Variants in APCDD1 observed in about 807,000 individuals in gnomAD.
The protein encoded by APCDD1 is protein APCDD1.
A neutral mutation model predicts 38.1 loss-of-function variants in APCDD1; 15 were observed. That is an observed-to-expected ratio of 0.39 (90% CI 0.26 to 0.61). The LOEUF (loss-of-function observed/expected upper bound fraction) is 0.61. APCDD1 is among the 20% of genes least tolerant of loss of function. APCDD1 has a pLI of 0.49. For missense variants in APCDD1, 647 were observed against 696.2 expected (o/e 0.93, Z 0.79); for synonymous variants, 261 against 279.7 (o/e 0.93, Z 0.67).
intron 3 of APCDD1, chr18:10,474,078 C>T (rs937415946): frequency 1.3e-5 from 2 of 152,180 alleles, no homozygotes; most frequent in African/African-American, 4.8e-5. Flanking sequence ...CTCCCACGAC[C>T]ATGCCCAGCT....
chr18:10,457,658 A>G (rs1345682288), intron 1 of APCDD1, among the ~76,000 whole-genome samples: 1 of 152,242 alleles, frequency 6.6e-6, no homozygotes, highest in Non-Finnish European at 1.5e-5. Context: ...TTAGAGATTT[A>G]TTTGTTACAC....
intron 3 of APCDD1, among the ~76,000 whole-genome samples, chr18:10,478,347 G>A (rs1339617953): frequency 3.3e-5 from 5 of 152,238 alleles, no homozygotes; most frequent in African/African-American, 1.2e-4. Flanking sequence ...ACACTGAGGG[G>A]CTGCCCTCAC....
chr18:10,468,751 A>C, intron 2 of APCDD1, 99 bp downstream of exon 2: 2 of 1,304,160 alleles, frequency 1.5e-6, no homozygotes, highest in Non-Finnish European at 2.2e-6. Flanking sequence ...TATCATTTAC[A>C]ATGATTTAGG....
In APCDD1 at chr18:10,461,902, C is replaced by T. The variant is rs141768269; in HGVS notation, c.59-6567C>T. Among the ~76,000 whole-genome samples, 717 of 152,252 alleles carry T rather than the reference C, an allele frequency of 4.7e-3. 9 individuals are homozygous for T. Among genetic ancestry groups the T allele is most frequent in the South Asian group, 0.02 (94 of 4,814 alleles). On this transcript the variant is annotated intron_variant, in intron 1 of 4. Transcript: ENST00000355285. ...TACTCTCACATATAGTATATGGTTT[C>T]TAACTCTTGTTTTATCTGTAAAATA...
At chr18:10,468,747 T>A (rs1184132080) in intron 2 of APCDD1, 95 bp downstream of exon 2, 1 of 1,298,526 alleles carries the variant, frequency 7.7e-7, no homozygotes, top group African/African-American at 1.5e-5. Flanking sequence ...TTTATATCAT[T>A]TACAATGATT....
At chr18:10,466,724 TG>T (rs1204042069) in intron 1 of APCDD1, among the ~76,000 whole-genome samples, 1 of 152,206 alleles carries the variant, frequency 6.6e-6, no homozygotes, top group Non-Finnish European at 1.5e-5. Context: ...AAGGAAGCCC[TG>T]GCTTAATAAC....
chr18:10,464,450 TCTCA>T (rs1206768974), intron 1 of APCDD1, among the ~76,000 whole-genome samples: 1 of 152,184 alleles, frequency 6.6e-6, no homozygotes, highest in Non-Finnish European at 1.5e-5. Flanking sequence ...AGAGACAGGG[TCTCA>T]CTCTGTCACC....
intron 1 of APCDD1, among the ~76,000 whole-genome samples, chr18:10,455,395 C>T (rs1268269928): frequency 6.6e-6 from 1 of 152,256 alleles, no homozygotes; most frequent in Admixed American, 6.5e-5. Flanking sequence ...TGTACACTGC[C>T]ATGAAATCGC....
At chr18:10,456,062 A>G (rs2030374385) in intron 1 of APCDD1, among the ~76,000 whole-genome samples, 1 of 152,224 alleles carries the variant, frequency 6.6e-6, no homozygotes. Flanking sequence ...AGTCAGGCTG[A>G]GGACCTTCCC....
chr18:10,455,185 C>T (rs1392808841), intron 1 of APCDD1, 146 bp downstream of exon 1: 10 of 1,355,456 alleles, frequency 7.4e-6, no homozygotes, highest in Non-Finnish European at 9.7e-6. Flanking sequence ...CCCGCGCCTG[C>T]CGTCTCAGCC....
intron 1 of APCDD1, among the ~76,000 whole-genome samples, chr18:10,460,157 C>T (rs1223742640): frequency 6.6e-6 from 1 of 152,172 alleles, no homozygotes; most frequent in Non-Finnish European, 1.5e-5. Flanking sequence ...TTTGATTTCT[C>T]AGTCAATATA....
At chr18:10,461,141 T>G (rs2030530414) in intron 1 of APCDD1, among the ~76,000 whole-genome samples, 1 of 152,178 alleles carries the variant, frequency 6.6e-6, no homozygotes, top group Non-Finnish European at 1.5e-5. Context: ...GGTAATGTAT[T>G]CCTTGGGAGT....
chr18:10,454,739 G>A lies in APCDD1; in HGVS notation c.-243G>A, dbSNP rs1394162812. The stretch of plus-strand genomic sequence containing the variant: ...GGGCCGGGCGCGGAGAAGTCGGGGC[G>A]GGCGGCAGAGAGGCCGGGACGCGGA... On this transcript the variant is annotated 5_prime_UTR_variant, in exon 1 of 5. Coordinates refer to ENST00000355285, the MANE Select transcript of APCDD1 (RefSeq NM_153000.5). The A allele has an allele frequency of 3.1e-6, 3 of 981,424 alleles. No individual in the cohort carries two copies. Among genetic ancestry groups the A allele is most frequent in the Non-Finnish European group, 3.6e-6 (3 of 828,590 alleles). 60.8% of individuals were successfully genotyped at this position (981,424 alleles called of 1,614,324 possible).
intron 1 of APCDD1, 96 bp downstream of exon 1, chr18:10,455,135 G>A: frequency 1.3e-6 from 2 of 1,515,688 alleles, no homozygotes; most frequent in Non-Finnish European, 8.8e-7. Context: ...TCGCGGCACG[G>A]CCTACACTGT....
At position 10,487,897 on chromosome 18, in the gene APCDD1, C is replaced by T. The variant is rs757964573; in HGVS notation, c.1404C>T (p.Ser468=). The change falls in exon 5 of 5, where the codon TCC becomes TCT. Residue 468 remains serine, a synonymous_variant. Transcript: ENST00000355285. Reference sequence around the variant, plus strand: ...AGATGCCCTTGGTCCAGTGTGCCTCCTCTTCGCCGAGGGCAGAGGACCTCG... The same window carrying T: ...AGATGCCCTTGGTCCAGTGTGCCTCTTCTTCGCCGAGGGCAGAGGACCTCG... ...SYQMPLVQCA[S]SSPRAEDLAE... The T allele has an allele frequency of 2.5e-6, 4 of 1,613,274 alleles. No homozygotes were observed. Among genetic ancestry groups the T allele is most frequent in the East Asian group, 2.2e-5 (1 of 44,888 alleles).
Position 10,472,669 on chromosome 18 carries a change from A to C in APCDD1, c.774+608A>C, listed in dbSNP as rs929217856. 6.6e-6 allele frequency among the ~76,000 whole-genome samples: 1 copy of C among 152,194 alleles called. No individual in the cohort carries two copies. Among genetic ancestry groups the C allele is most frequent in the Admixed American group, 6.5e-5 (1 of 15,282 alleles). The stretch of plus-strand genomic sequence containing the variant: ...AGTTTTCCTGCTGGACCATGAGTCC[A>C]AAGGTCCTTCCTCCATACCCCACGT... On this transcript the variant is annotated intron_variant, in intron 3 of 4. Transcript: ENST00000355285. This position sits in a 1 kb window ranked among gnomAD's most constrained non-coding sequence, Gnocchi z 6.6.
At chr18:10,455,096 G>C in intron 1 of APCDD1, 57 bp downstream of exon 1, 1 of 1,542,500 alleles carries the variant, frequency 6.5e-7, no homozygotes, top group Non-Finnish European at 8.7e-7. Flanking sequence ...CCCGGGCGCC[G>C]CGGAGCCCGC....
intron 1 of APCDD1, among the ~76,000 whole-genome samples, chr18:10,464,343 C>G (rs966622823): frequency 6.7e-6 from 1 of 149,404 alleles, no homozygotes; most frequent in East Asian, 1.9e-4. Flanking sequence ...CACACACACA[C>G]AGACACACAC....
Position 10,488,093 on chromosome 18 carries a change from T to C in APCDD1, c.*55T>C, listed in dbSNP as rs2031289655. 1 of 1,601,204 alleles carries C rather than the reference T, an allele frequency of 6.2e-7. No homozygotes were observed. Among genetic ancestry groups the C allele is most frequent in the Non-Finnish European group, 8.5e-7 (1 of 1,174,696 alleles). On this transcript the variant is annotated 3_prime_UTR_variant, in exon 5 of 5. Coordinates refer to ENST00000355285, the MANE Select transcript of APCDD1 (RefSeq NM_153000.5). ...CAGGATTCCTTACTATTGACAGATT[T>C]GCTTTACCAAAAGAAAAGACATTTA...
Sources: allele counts gnomAD v4.1 joint callset (sites outside exome capture counted in the v4.1 genomes callset), GRCh38; gene constraint gnomAD v4.1.1; non-coding constraint Gnocchi (gnomAD v3.1); transcripts MANE v1.5; gene names NCBI Gene and HGNC (gene_info 2026-07-23, HGNC 2026-07-21).